Variants in CNTNAP2 observed in about 807,000 individuals in gnomAD.
CNTNAP2 encodes the protein contactin associated protein 2, also known as contactin-associated protein-like 2.
In CNTNAP2, 98 loss-of-function variants were observed where a neutral mutation model predicts 155.2. That is an observed-to-expected ratio of 0.63 (90% CI 0.54 to 0.75). The LOEUF (loss-of-function observed/expected upper bound fraction) is 0.75. Among genes scored for constraint, CNTNAP2 ranks in the 30% least tolerant of loss-of-function variants. CNTNAP2 has a pLI of 0.00. For synonymous variants in CNTNAP2, 651 were observed against 631.2 expected (o/e 1.03, Z -0.47); for missense variants, 1,727 against 1,688.1 (o/e 1.02, Z -0.40).
intron 3 of CNTNAP2, among the ~76,000 whole-genome samples, chr7:146,916,354 CCTCTTT>C (rs927732593): frequency 9.2e-5 from 14 of 151,540 alleles, no homozygotes; most frequent in South Asian, 4.2e-4. Context: ...GAGAGGATTC[CCTCTTT>C]CTCTTTCTCT....
At chr7:147,077,636 C>T (rs1045539856) in intron 4 of CNTNAP2, among the ~76,000 whole-genome samples, 1 of 152,088 alleles carries the variant, frequency 6.6e-6, no homozygotes, top group Non-Finnish European at 1.5e-5. Context: ...CTACACAGCC[C>T]AGTGGAGTGG....
At chr7:148,146,750 C>G (rs543119099) in intron 16 of CNTNAP2, among the ~76,000 whole-genome samples, 1 of 152,008 alleles carries the variant, frequency 6.6e-6, no homozygotes, top group Admixed American at 6.6e-5. Flanking sequence ...AACAATAGGT[C>G]ACCCTCATTA....
intron 13 of CNTNAP2, among the ~76,000 whole-genome samples, chr7:147,747,666 C>T (rs2116497727): frequency 6.6e-6 from 1 of 152,288 alleles, no homozygotes; most frequent in African/African-American, 2.4e-5. Flanking sequence ...TTTTGAGAAA[C>T]TTCCATTCTA....
intron 8 of CNTNAP2, among the ~76,000 whole-genome samples, chr7:147,152,341 C>T (rs1019542674): frequency 6.6e-6 from 1 of 152,000 alleles, no homozygotes; most frequent in Non-Finnish European, 1.5e-5. Flanking sequence ...ACTCTAGAAC[C>T]TGAATGCCTG....
At chr7:146,253,835 T>C (rs1409228263) in intron 1 of CNTNAP2, among the ~76,000 whole-genome samples, 1 of 152,090 alleles carries the variant, frequency 6.6e-6, no homozygotes, top group Non-Finnish European at 1.5e-5. Flanking sequence ...GGTAGCAGGA[T>C]TGCTTGAACC....
At chr7:147,697,238 A>G (rs1796173597) in intron 13 of CNTNAP2, among the ~76,000 whole-genome samples, 1 of 152,180 alleles carries the variant, frequency 6.6e-6, no homozygotes, top group South Asian at 2.1e-4. Flanking sequence ...CTTTCTTAGA[A>G]TAGCCATCTC....
intron 15 of CNTNAP2, among the ~76,000 whole-genome samples, chr7:148,011,090 A>G (rs1802073065): frequency 6.6e-6 from 1 of 152,200 alleles, no homozygotes; most frequent in Admixed American, 6.5e-5. Context: ...AATTCACATT[A>G]CATATAATTC....
Position 148,217,510 on chromosome 7 carries a change from T to A in CNTNAP2, c.3233T>A (p.Leu1078His), listed in dbSNP as rs772512862. Residue 1078 changes from leucine (L) to histidine (H), a missense_variant, in exon 19 of 24, where the codon CTC becomes CAC. Transcript: ENST00000361727. ...SSFTTDFLAV[L>H]VKPTGSLQIR... ...TTCACCACAGACTTCTTGGCAGTCCTCGTCAAACCCACTGGTAAGGACAAG... is the reference window on the plus strand; with the variant it reads ...TTCACCACAGACTTCTTGGCAGTCCACGTCAAACCCACTGGTAAGGACAAG... The A allele has an allele frequency of 3.1e-6, 5 of 1,614,056 alleles. No homozygotes were observed. In the Admixed American group the frequency reaches 5.0e-5, roughly 16 times the overall value.
At chr7:146,498,906 A>T (rs183603207) in intron 1 of CNTNAP2, among the ~76,000 whole-genome samples, 52 of 152,302 alleles carry the variant, frequency 3.4e-4, no homozygotes, top group African/African-American at 1.1e-3. Context: ...ATCTAGCCAA[A>T]CACAGTCATA....
intron 1 of CNTNAP2, among the ~76,000 whole-genome samples, chr7:146,550,390 T>C (rs1522224): frequency 0.03 from 4,014 of 135,066 alleles, 225 homozygotes; most frequent in African/African-American, 0.11. Context: ...AGCAGTGAGG[T>C]CCATTAATCT....
intron 21 of CNTNAP2, among the ~76,000 whole-genome samples, chr7:148,338,307 A>G (rs962542969): frequency 6.6e-6 from 1 of 152,198 alleles, no homozygotes; most frequent in Non-Finnish European, 1.5e-5. Flanking sequence ...GAAGTGTGTC[A>G]TTCTGTGCAT....
chr7:147,309,836 G>A (rs116515010), intron 9 of CNTNAP2, among the ~76,000 whole-genome samples: 1,645 of 152,024 alleles, frequency 0.011, 31 homozygotes, highest in African/African-American at 0.038. Context: ...CATCACCCAG[G>A]TGTAATAAGC....
At chr7:146,674,431 T>C (rs1478185987) in intron 1 of CNTNAP2, among the ~76,000 whole-genome samples, 2 of 152,028 alleles carry the variant, frequency 1.3e-5, no homozygotes, top group Non-Finnish European at 2.9e-5. Context: ...TTCCAAACAT[T>C]CTGTAGTAAA....
At chr7:147,710,776 C>G (rs761207673) in intron 13 of CNTNAP2, among the ~76,000 whole-genome samples, 9 of 152,174 alleles carry the variant, frequency 5.9e-5, no homozygotes, top group African/African-American at 9.7e-5. Flanking sequence ...GCCATCAGAA[C>G]AGATGGCTTA....
chr7:147,077,910 G>T (rs1202327190), intron 4 of CNTNAP2, among the ~76,000 whole-genome samples: 1 of 152,132 alleles, frequency 6.6e-6, no homozygotes, highest in African/African-American at 2.4e-5. Flanking sequence ...TAAAGAAATA[G>T]CTGTAGACAG....
chr7:147,325,979 G>C (rs1019840616), intron 9 of CNTNAP2, among the ~76,000 whole-genome samples: 17 of 152,100 alleles, frequency 1.1e-4, no homozygotes, highest in African/African-American at 4.1e-4. Flanking sequence ...CTGGAGTGCA[G>C]TGGCACAATC....
chr7:146,577,027 T>G (rs1798535630), intron 1 of CNTNAP2, among the ~76,000 whole-genome samples: 2 of 152,182 alleles, frequency 1.3e-5, no homozygotes, highest in Non-Finnish European at 2.9e-5. Flanking sequence ...TCTTATCACC[T>G]GCCATCATTC....
rs1800046014 is a variant in CNTNAP2 at position 148,418,578 on chromosome 7, C to T, written c.*2962C>T. Reference sequence around the variant, plus strand: ...GCTAGGAGATGACTTTGAATGAATGCAAGGTTAGTGAGATCCTAAGCTCTC... The same window carrying T: ...GCTAGGAGATGACTTTGAATGAATGTAAGGTTAGTGAGATCCTAAGCTCTC... On this transcript the variant is annotated 3_prime_UTR_variant, in exon 24 of 24. Coordinates refer to ENST00000361727, the MANE Select transcript of CNTNAP2 (RefSeq NM_014141.6). 1 of 152,164 alleles carries T rather than the reference C, an allele frequency of 6.6e-6. No individual in the cohort carries two copies. The highest frequency in any genetic ancestry group is 2.4e-5 in the African/African-American group (1 of 41,426). The allele number at this position is 152,164 out of a possible 1,614,324, so 9.4% of individuals were successfully genotyped here.
At chr7:146,654,339 A>G (rs1799961832) in intron 1 of CNTNAP2, among the ~76,000 whole-genome samples, 1 of 151,884 alleles carries the variant, frequency 6.6e-6, no homozygotes, top group East Asian at 2.0e-4. Flanking sequence ...GTTTACACTG[A>G]TGAATGTGTG....
Sources: gnomAD v4.1 joint callset for allele counts (sites outside exome capture counted in the v4.1 genomes callset) on GRCh38, gnomAD v4.1.1 for gene constraint, MANE v1.5 for transcripts, NCBI Gene and HGNC (gene_info 2026-07-23, HGNC 2026-07-21) for gene names.